Variants in SYCP2 observed in about 807,000 individuals in gnomAD.
SYCP2 encodes the protein synaptonemal complex protein 2.
In SYCP2, 55 loss-of-function variants were observed where a neutral mutation model predicts 211.3. The ratio of observed to expected loss-of-function variants is 0.26; its 90% CI spans 0.21 to 0.33. SYCP2 has a LOEUF of 0.33. Among genes scored for constraint, SYCP2 ranks in the 10% least tolerant of loss-of-function variants. The pLI is 1.00. For synonymous variants in SYCP2, 570 were observed against 555.2 expected, an observed-to-expected ratio of 1.03 and a Z score of -0.37; for missense variants, 1,731 against 1,752.0, an observed-to-expected ratio of 0.99 and a Z score of 0.21.
At chr20:59,880,170 AGT>A in intron 31 of SYCP2, 131 bp downstream of exon 31, 1 of 658,258 alleles carries the variant, frequency 1.5e-6, no homozygotes, top group Non-Finnish European at 2.5e-6. Flanking sequence ...CATAAAAACT[AGT>A]GTTTTGTCCT....
Position 59,892,183 on chromosome 20 carries a change from A to G in SYCP2, c.2171T>C (p.Phe724Ser). The G allele has an allele frequency of 6.2e-7, 1 of 1,612,630 alleles. No homozygotes were observed. Among genetic ancestry groups the G allele is most frequent in the Admixed American group, 1.7e-5 (1 of 59,814 alleles). ...SDWPVESETTFKSVLLNKTIE... is the reference protein window; with the variant it reads ...SDWPVESETTSKSVLLNKTIE... ...TGTCTTATTTAGGAGAACCGATTTA[A>G]AAGTAGTTTCAGATTCAACAGGCCA... The change falls in exon 24 of 45, where the codon TTT (phenylalanine) becomes TCT (serine). Residue 724 changes from phenylalanine to serine, a missense_variant. By Grantham distance (155) the Phe-to-Ser change is radical. This residue lies in a region of SYCP2 where 1,387 missense variants were observed against 1,351.3 expected (regional missense o/e 1.03). Coordinates refer to ENST00000357552, the MANE Select transcript of SYCP2 (RefSeq NM_014258.4).
chr20:59,900,651 T>C (rs931482598), intron 17 of SYCP2, 93 bp downstream of exon 17: 8 of 902,920 alleles, frequency 8.9e-6, no homozygotes, highest in South Asian at 3.1e-5. Flanking sequence ...TTGTTTTCTA[T>C]ATATTCACCC....
At chr20:59,867,034 AAG>A (rs1555866971) in intron 39 of SYCP2, among the ~76,000 whole-genome samples, 5 of 141,390 alleles carry the variant, frequency 3.5e-5, no homozygotes, top group African/African-American at 7.7e-5. Flanking sequence ...AAAAAAAAAA[AAG>A]AAACAGAAAA....
rs569484119 is a variant in SYCP2, at chr20:59,896,285, T to C, written c.1504+144A>G. 1.6e-4 allele frequency: 91 copies of C among 553,544 alleles called. No homozygotes were observed. The South Asian group carries it at 2.1e-3, about 13-fold the overall frequency. 34.3% of individuals were successfully genotyped at this position (553,544 alleles called of 1,614,324 possible). On this transcript the variant is annotated intron_variant, in intron 19 of 44. Transcript: ENST00000357552. ...TGTTAGCATTATACTTTTCTTCCCA[T>C]TAGAAGACATTTGTGGTTCATATTT... is the stretch of plus-strand genomic sequence containing the variant.
intron 31 of SYCP2, among the ~76,000 whole-genome samples, chr20:59,879,862 T>C (rs6027165): frequency 0.18 from 20,722 of 114,334 alleles, 1,826 homozygotes; most frequent in Middle Eastern, 0.28. Flanking sequence ...TATATATATA[T>C]ACACACACAC....
chr20:59,911,793 A>T lies in SYCP2; in HGVS notation c.929T>A (p.Leu310His). 4 of 1,594,950 alleles carry T rather than the reference A, an allele frequency of 2.5e-6. No individual in the cohort carries two copies. The highest frequency in any genetic ancestry group is 3.4e-6 in the Non-Finnish European group (4 of 1,169,104). The part of the protein sequence containing the change: ...KLEEFWIDFN[L>H]GSQTLSFYIA... ...GTAGAATGAGAGAGTCTGACTCCCAAGATTAAAATCAATCCAAAATTCCTC... is the reference window on the plus strand; with the variant it reads ...GTAGAATGAGAGAGTCTGACTCCCATGATTAAAATCAATCCAAAATTCCTC... The change falls in exon 14 of 45, where the codon CTT becomes CAT. Residue 310 changes from leucine to histidine, a missense_variant. By Grantham distance (99) the Leu-to-His change is moderately conservative (BLOSUM62 -3). Around this residue, in one of 3 missense-constraint regions of SYCP2, gnomAD observed 335 missense variants for 378.8 expected, o/e 0.88. Coordinates refer to ENST00000357552, the MANE Select transcript of SYCP2 (RefSeq NM_014258.4).
Position 59,900,148 on chromosome 20 carries a change from CTAT to C in SYCP2, c.1391_1393del (p.Asn464del). On this transcript the variant is annotated inframe_deletion, in exon 18 of 45. Coordinates refer to ENST00000357552, the MANE Select transcript of SYCP2 (RefSeq NM_014258.4). The stretch of plus-strand genomic sequence containing the variant: ...TGACACCATCTTTACCTCAAGCTGA[CTAT>C]TATTTCTATTCCCTTTGTCACTGTT... 6.2e-7 allele frequency: 1 copy of C among 1,613,072 alleles called. No individual in the cohort carries two copies. Among genetic ancestry groups the C allele is most frequent in the Non-Finnish European group, 8.5e-7 (1 of 1,179,418 alleles).
rs765325957 is a variant in SYCP2 at position 59,912,444 on chromosome 20, AAAAT to A, written c.831-30_831-27del. The A allele has an allele frequency of 4.4e-5, 39 of 888,754 alleles. No homozygotes were observed. The African/African-American group carries it at 5.2e-4, about 12-fold the overall frequency. The allele number at this position is 888,754 out of a possible 1,614,324, so 55.1% of individuals were successfully genotyped here. A position where few individuals can be genotyped will look rare whatever the true frequency, so the allele number is the denominator to read the frequency against. On this transcript the variant is annotated intron_variant, in intron 12 of 44. Transcript: ENST00000357552. ...CTGAAATAAAAAGTAGTTTAAGAAA[AAAAT>A]AAATAAGCTTTCACAGCATAATCTT...
At position 59,865,558 on chromosome 20, in the gene SYCP2, G is replaced by C; in HGVS notation, c.4458+15C>G. The C allele has an allele frequency of 6.3e-7, 1 of 1,588,864 alleles. No homozygotes were observed. Among genetic ancestry groups the C allele is most frequent in the Middle Eastern group, 1.7e-4 (1 of 5,892 alleles). On this transcript the variant is annotated intron_variant, in intron 43 of 44. Coordinates refer to ENST00000357552, the MANE Select transcript of SYCP2 (RefSeq NM_014258.4). ...AATCAAGAGAGGTAACCTATAAAAA[G>C]CATAAAATTTATACCTCGGATGTAA...
intron 31 of SYCP2, among the ~76,000 whole-genome samples, chr20:59,879,857 A>T (rs1336729766): frequency 1.5e-5 from 2 of 131,182 alleles, no homozygotes; most frequent in Non-Finnish European, 3.2e-5. Flanking sequence ...ATATATATAT[A>T]TATATACACA....
At chr20:59,882,209 A>G (rs1413850214) in intron 26 of SYCP2, 44 bp from the exon 27 acceptor site, 9 of 1,395,594 alleles carry the variant, frequency 6.4e-6, no homozygotes, top group Non-Finnish European at 9.1e-6. Flanking sequence ...GCTAACAGGT[A>G]TATGAAAAAA....
chr20:59,867,839 T>C lies in SYCP2; in HGVS notation c.3997A>G (p.Ser1333Gly). 1 of 1,599,992 alleles carries C rather than the reference T, an allele frequency of 6.3e-7. No homozygotes were observed. Among genetic ancestry groups the C allele is most frequent in the Non-Finnish European group, 8.5e-7 (1 of 1,173,368 alleles). Residue 1333 changes from serine to glycine, a missense_variant, in exon 39 of 45, where the codon AGT becomes GGT. By Grantham distance (56) the Ser-to-Gly change is moderately conservative. Transcript: ENST00000357552. Reference protein sequence around the residue: ...ADHHIHKMSESVSSLSTNDFS... With the variant: ...ADHHIHKMSEGVSSLSTNDFS... ...TCATTTGTTGATAATGAAGATACACTTTCAGACACTAAAAAATGAAAACAA... is the reference window on the plus strand; with the variant it reads ...TCATTTGTTGATAATGAAGATACACCTTCAGACACTAAAAAATGAAAACAA...
At chr20:59,925,686 GGT>G (rs2060621816) in intron 2 of SYCP2, among the ~76,000 whole-genome samples, 3 of 151,888 alleles carry the variant, frequency 2.0e-5, no homozygotes, top group Non-Finnish European at 2.9e-5. Flanking sequence ...GTATTGCCCT[GGT>G]AACAAGGTTA....
At chr20:59,904,847 A>C (rs1163767441) in intron 15 of SYCP2, among the ~76,000 whole-genome samples, 1 of 152,164 alleles carries the variant, frequency 6.6e-6, no homozygotes, top group East Asian at 1.9e-4. Flanking sequence ...TGCAGAAGGC[A>C]AAAGGGGAGT....
rs772653143 is a variant in SYCP2 at position 59,868,844 on chromosome 20, G to GAGT, written c.3820_3822dup (p.Thr1274dup). ...GACTATGACTACAAACCTGATACAT[G>GAGT]AGTAGCATCACAGGGCATGTCAAAC... On this transcript the variant is annotated inframe_insertion, in exon 37 of 45. Transcript: ENST00000357552. 2 of 1,607,356 alleles carry GAGT rather than the reference G, an allele frequency of 1.2e-6. No individual in the cohort carries two copies. The highest frequency in any genetic ancestry group is 2.7e-5 in the African/African-American group (2 of 74,488).
intron 2 of SYCP2, among the ~76,000 whole-genome samples, chr20:59,927,086 G>A (rs1568990609): frequency 6.6e-6 from 1 of 152,086 alleles, no homozygotes; most frequent in Non-Finnish European, 1.5e-5. Context: ...GCTGATGAAA[G>A]AACTCCAACT....
rs771720640 is a variant in SYCP2 at position 59,865,628 on chromosome 20, A to C, written c.4403T>G (p.Leu1468Trp). ...QQRLHLLKTS[L>W]AKSVFCNTDS... ...AGTATTACAGAAGACACTTTTAGCCAATGAAGTTTTCAAAAGATGAAGCCT... is the reference window on the plus strand; with the variant it reads ...AGTATTACAGAAGACACTTTTAGCCCATGAAGTTTTCAAAAGATGAAGCCT... Residue 1468 changes from leucine to tryptophan, a missense_variant, in exon 43 of 45, where the codon TTG becomes TGG. By Grantham distance (61) the Leu-to-Trp change is moderately conservative. Transcript: ENST00000357552. The C allele has an allele frequency of 6.3e-7, 1 of 1,599,954 alleles. No homozygotes were observed. The highest frequency in any genetic ancestry group is 1.4e-5 in the African/African-American group (1 of 74,010).
chr20:59,867,042 GA>G (rs747079673), intron 39 of SYCP2, among the ~76,000 whole-genome samples: 1,611 of 91,164 alleles, frequency 0.018, 8 homozygotes, highest in Non-Finnish European at 0.027. Flanking sequence ...AAAAGAAACA[GA>G]AAAAACAAGC....
intron 12 of SYCP2, among the ~76,000 whole-genome samples, chr20:59,913,166 T>C (rs549401410): frequency 2.8e-4 from 42 of 152,312 alleles, no homozygotes; most frequent in African/African-American, 9.9e-4. Context: ...CAGAATTCTT[T>C]CTTAGATACT....
Sources: allele counts gnomAD v4.1 joint callset (sites outside exome capture counted in the v4.1 genomes callset), GRCh38; gene constraint gnomAD v4.1.1; regional missense constraint gnomAD v4.1.1; transcripts MANE v1.5; gene names NCBI Gene and HGNC (gene_info 2026-07-23, HGNC 2026-07-21).